Variants in SGCZ observed in about 807,000 individuals in gnomAD.
The protein encoded by SGCZ is sarcoglycan zeta, also known as zeta-sarcoglycan.
A neutral mutation model predicts 41.3 loss-of-function variants in SGCZ; 40 were observed. The observed-to-expected ratio is 0.97, with a 90% CI of 0.75 to 1.26. The LOEUF (loss-of-function observed/expected upper bound fraction) is 1.26, where lower values mean the gene tolerates loss of function less well. SGCZ is among the 50% of genes most tolerant of loss of function. The pLI is 0.00. For synonymous variants in SGCZ, 206 were observed against 137.5 expected (o/e 1.50, Z -3.49); for missense variants, 552 against 369.8 (o/e 1.49, Z -4.04).
At chr8:14,207,231 T>G (rs970387645) in intron 4 of SGCZ, among the ~76,000 whole-genome samples, 2 of 152,232 alleles carry the variant, frequency 1.3e-5, no homozygotes, top group Admixed American at 6.5e-5. Flanking sequence ...TTAAGCAACT[T>G]GTATTTAACT....
In SGCZ at chr8:15,176,901, TG is replaced by T. The variant is rs1174134918; in HGVS notation, c.39+60683del. ...CTGTAGTCCCAGCTACTCAGGAGGC[TG>T]AGGCAGGACAATGGCGTGAACCCAG... On this transcript the variant is annotated intron_variant, in intron 1 of 7. Transcript: ENST00000382080. Among the ~76,000 whole-genome samples the T allele has an allele frequency of 2.0e-5, 3 of 152,206 alleles. No individual in the cohort carries two copies. In the East Asian group the frequency reaches 5.8e-4, roughly 29 times the overall value.
chr8:14,849,613 G>A (rs1803247040), intron 1 of SGCZ, among the ~76,000 whole-genome samples: 1 of 152,102 alleles, frequency 6.6e-6, no homozygotes, highest in African/African-American at 2.4e-5. Flanking sequence ...ACGAAATGAA[G>A]CAGATCAGGG....
intron 1 of SGCZ, among the ~76,000 whole-genome samples, chr8:14,903,085 C>G (rs17120533): frequency 0.048 from 7,264 of 152,102 alleles, 482 homozygotes; most frequent in African/African-American, 0.15. Context: ...ATCCAGTTAA[C>G]GAGGCAGAGG....
chr8:14,916,028 T>C (rs1345913779), intron 1 of SGCZ, among the ~76,000 whole-genome samples: 1 of 152,272 alleles, frequency 6.6e-6, no homozygotes, highest in East Asian at 1.9e-4. Flanking sequence ...TGTTTTAGAG[T>C]GACAACTGAA....
intron 1 of SGCZ, among the ~76,000 whole-genome samples, chr8:14,879,595 G>C (rs375073176): frequency 2.0e-5 from 3 of 147,006 alleles, no homozygotes; most frequent in Admixed American, 1.4e-4. Flanking sequence ...CAGACACACA[G>C]ACACACACAC....
chr8:15,223,805 T>A (rs928224106), intron 1 of SGCZ, among the ~76,000 whole-genome samples: 1 of 152,148 alleles, frequency 6.6e-6, no homozygotes, highest in Non-Finnish European at 1.5e-5. Flanking sequence ...AGAAAAAGTA[T>A]AGCAAAATCA....
chr8:14,306,719 T>C (rs575312336), intron 3 of SGCZ, among the ~76,000 whole-genome samples: 3 of 152,318 alleles, frequency 2.0e-5, no homozygotes, highest in South Asian at 4.1e-4. Context: ...TAAATTTGCA[T>C]GCATTTGCAT....
chr8:14,637,759 T>A (rs2117416989), intron 1 of SGCZ, among the ~76,000 whole-genome samples: 1 of 152,026 alleles, frequency 6.6e-6, no homozygotes, highest in Non-Finnish European at 1.5e-5. Context: ...TTTTTGCTAT[T>A]GTGAACAGTG....
At chr8:14,215,529 C>T (rs1805964072) in intron 4 of SGCZ, among the ~76,000 whole-genome samples, 1 of 150,912 alleles carries the variant, frequency 6.6e-6, no homozygotes, top group Non-Finnish European at 1.5e-5. Flanking sequence ...AAATTTAAAG[C>T]AGAAAAAATA....
intron 2 of SGCZ, among the ~76,000 whole-genome samples, chr8:14,428,736 G>A (rs945212001): frequency 2.6e-5 from 4 of 152,142 alleles, no homozygotes; most frequent in Non-Finnish European, 4.4e-5. Context: ...AGAAGGCTCT[G>A]GTAGTTCATA....
intron 1 of SGCZ, among the ~76,000 whole-genome samples, chr8:14,778,870 T>C (rs566856557): frequency 4.6e-5 from 7 of 152,220 alleles, no homozygotes; most frequent in South Asian, 2.1e-4. Flanking sequence ...ACAGCATTCC[T>C]GGAGTGTAAA....
Position 14,957,965 on chromosome 8 carries a change from C to G in SGCZ, c.39+279620G>C, listed in dbSNP as rs181049165. On this transcript the variant is annotated intron_variant, in intron 1 of 7. Transcript: ENST00000382080. ...CACTAAGAGTGTGAAATAAATTTACCAAACTAATTTAAAGTACTGAATCCT... is the reference window on the plus strand; with the variant it reads ...CACTAAGAGTGTGAAATAAATTTACGAAACTAATTTAAAGTACTGAATCCT... Among the ~76,000 whole-genome samples the G allele has an allele frequency of 2.3e-3, 354 of 151,838 alleles. 2 individuals carry two copies. The highest frequency in any genetic ancestry group is 3.8e-3 in the Non-Finnish European group (261 of 67,844).
At chr8:14,800,053 A>C (rs1801269421) in intron 1 of SGCZ, among the ~76,000 whole-genome samples, 1 of 152,192 alleles carries the variant, frequency 6.6e-6, no homozygotes, top group Non-Finnish European at 1.5e-5. Context: ...AGCTATTCCA[A>C]AACCATTATG....
chr8:15,157,618 G>C (rs996477042), intron 1 of SGCZ, among the ~76,000 whole-genome samples: 2 of 152,036 alleles, frequency 1.3e-5, no homozygotes, highest in East Asian at 1.9e-4. Context: ...GGTTCTACTA[G>C]GCTTACAGCT....
At chr8:15,037,175 C>G (rs937668995) in intron 1 of SGCZ, among the ~76,000 whole-genome samples, 1 of 152,082 alleles carries the variant, frequency 6.6e-6, no homozygotes, top group Admixed American at 6.6e-5. Flanking sequence ...TCTCCATGAT[C>G]CCCACATGTC....
At chr8:14,212,710 G>A (rs938061451) in intron 4 of SGCZ, among the ~76,000 whole-genome samples, 9 of 152,094 alleles carry the variant, frequency 5.9e-5, no homozygotes, top group African/African-American at 2.2e-4. Context: ...CAACTTGGAA[G>A]AGAAAAGACA....
intron 5 of SGCZ, among the ~76,000 whole-genome samples, chr8:14,148,579 G>A (rs1803599756): frequency 1.3e-5 from 2 of 152,192 alleles, no homozygotes; most frequent in East Asian, 3.9e-4. Context: ...GGACCCGATG[G>A]CTTCACTGCT....
intron 1 of SGCZ, among the ~76,000 whole-genome samples, chr8:15,232,361 G>A (rs944540314): frequency 6.6e-6 from 1 of 152,002 alleles, no homozygotes; most frequent in African/African-American, 2.4e-5. Context: ...TTTTCAATTG[G>A]TAAACTCTGG....
At chr8:14,258,627 C>T (rs1799548050) in intron 3 of SGCZ, among the ~76,000 whole-genome samples, 1 of 152,054 alleles carries the variant, frequency 6.6e-6, no homozygotes, top group Non-Finnish European at 1.5e-5. Flanking sequence ...TGATACTGAG[C>T]TCTTATGAAG....
Sources: gnomAD v4.1 joint callset for allele counts (sites outside exome capture counted in the v4.1 genomes callset) on GRCh38, gnomAD v4.1.1 for gene constraint, MANE v1.5 for transcripts, NCBI Gene and HGNC (gene_info 2026-07-23, HGNC 2026-07-21) for gene names.